Variants in ZNF268 observed in about 807,000 individuals in gnomAD.
ZNF268 encodes zinc finger protein 268.
In ZNF268, 20 loss-of-function variants were observed where a neutral mutation model predicts 29.3. The observed-to-expected ratio is 0.68, with a 90% CI of 0.48 to 0.99. ZNF268 has a LOEUF of 0.99. Ranked by LOEUF, ZNF268 falls within the 50% of genes least tolerant of loss-of-function variation. The pLI, the probability that ZNF268 is intolerant of heterozygous loss-of-function variation, is 0.00. For synonymous variants in ZNF268, 429 were observed against 376.9 expected, an observed-to-expected ratio of 1.14 and a Z score of -1.60; for missense variants, 1,240 against 1,121.6, an observed-to-expected ratio of 1.11 and a Z score of -1.51.
At chr12:133,187,115 C>T (rs1234399563) in intron 2 of ZNF268, among the ~76,000 whole-genome samples, 1 of 152,142 alleles carries the variant, frequency 6.6e-6, no homozygotes. Flanking sequence ...ATAAAAATGC[C>T]TTGGTGAACA....
chr12:133,209,936 G>A lies in ZNF268; in HGVS notation c.*5406G>A, dbSNP rs1022806722. Reference sequence around the variant, plus strand: ...TGGACTGTTGCAGTGTTTTGTCGCAGTGTTTCTCCCTTTTTTTGTACTGGG... The same window carrying A: ...TGGACTGTTGCAGTGTTTTGTCGCAATGTTTCTCCCTTTTTTTGTACTGGG... On this transcript the variant is annotated 3_prime_UTR_variant, in exon 6 of 6. Transcript: ENST00000536435. 1 of 152,250 alleles carries A rather than the reference G, an allele frequency of 6.6e-6. No individual in the cohort carries two copies. Among genetic ancestry groups the A allele is most frequent in the Non-Finnish European group, 1.5e-5 (1 of 68,058 alleles). The allele number at this position is 152,250 out of a possible 1,614,324, so 9.4% of individuals were successfully genotyped here.
intron 5 of ZNF268, among the ~76,000 whole-genome samples, chr12:133,199,730 T>C (rs1956704487): frequency 6.6e-6 from 1 of 152,232 alleles, no homozygotes; most frequent in South Asian, 2.1e-4. Context: ...TATTGGTCTA[T>C]TCAGAGAGTC....
At chr12:133,191,332 AG>A in intron 3 of ZNF268, 156 bp from the exon 4 acceptor site, 2 of 776,788 alleles carry the variant, frequency 2.6e-6, no homozygotes, top group Non-Finnish European at 2.0e-6. Context: ...AAAAAAAAAA[AG>A]AAAGAAAGAT....
chr12:133,202,227 T>C lies in ZNF268; in HGVS notation c.541T>C (p.Cys181Arg). 2 of 1,611,280 alleles carry C rather than the reference T, an allele frequency of 1.2e-6. No individual in the cohort carries two copies. Among genetic ancestry groups the C allele is most frequent in the Non-Finnish European group, 1.7e-6 (2 of 1,178,738 alleles). Residue 181 changes from cysteine (C) to arginine (R), a missense_variant, in exon 6 of 6, where the codon TGC becomes CGC. Transcript: ENST00000536435. The stretch of plus-strand genomic sequence containing the variant: ...GGGAAGTACGGCAAAAAGCTTTGAA[T>C]GCACTACATTTGGAAAACTATGTCT... ...KLGSTAKSFE[C>R]TTFGKLCLLS...
At chr12:133,198,041 A>C (rs1260381680) in intron 5 of ZNF268, among the ~76,000 whole-genome samples, 2 of 152,000 alleles carry the variant, frequency 1.3e-5, no homozygotes, top group African/African-American at 4.8e-5. Flanking sequence ...TAGTTTAATT[A>C]GATCCCATTT....
At chr12:133,193,512 C>CT (rs1956524207) in intron 5 of ZNF268, 2 of 696,118 alleles carry the variant, frequency 2.9e-6, no homozygotes, top group Non-Finnish European at 5.2e-6. Context: ...AAGATGACGC[C>CT]TTGTTGCTGC....
In ZNF268 at chr12:133,187,985, C is replaced by CA. The variant is rs768845418; in HGVS notation, c.148dup (p.Arg50LysfsTer66). The CA allele has an allele frequency of 3.8e-6, 6 of 1,597,686 alleles. No individual in the cohort carries two copies. The East Asian group carries it at 1.3e-4, about 36-fold the overall frequency. On this transcript the variant is annotated frameshift_variant, in exon 3 of 6. Coordinates refer to ENST00000536435, the MANE Select transcript of ZNF268 (RefSeq NM_003415.3). LOFTEE classifies it high-confidence loss of function. ...GTCTGCAACCTCTCCCTGGAACACC[C>CA]AGGCAGAAGCAGAAGAGTCGCAGAA...
At chr12:133,186,331 A>C (rs1489050332) in intron 2 of ZNF268, among the ~76,000 whole-genome samples, 2 of 151,866 alleles carry the variant, frequency 1.3e-5, no homozygotes, top group Non-Finnish European at 2.9e-5. Flanking sequence ...GACTGTGCCC[A>C]GTGTACACAG....
At chr12:133,191,705 G>A (rs749867621) in intron 4 of ZNF268, 90 bp downstream of exon 4, 17 of 1,565,782 alleles carry the variant, frequency 1.1e-5, no homozygotes, top group African/African-American at 1.4e-5. Flanking sequence ...GAAATACTTA[G>A]TGATTTTGGA....
rs559689566 is a variant in ZNF268, at chr12:133,210,200, T to G, written c.*5670T>G. 2.6e-5 allele frequency: 4 copies of G among 152,474 alleles called. No individual in the cohort carries two copies. The East Asian group carries it at 7.7e-4, about 29-fold the overall frequency. 9.4% of individuals were successfully genotyped at this position (152,474 alleles called of 1,614,324 possible). On this transcript the variant is annotated 3_prime_UTR_variant, in exon 6 of 6. Coordinates refer to ENST00000536435, the MANE Select transcript of ZNF268 (RefSeq NM_003415.3). ...AAGGTGAGATGACATCGCCCCAGAT[T>G]GGTCCGGAAAGTGCACTGGTCGTCA...
intron 2 of ZNF268, among the ~76,000 whole-genome samples, chr12:133,182,893 T>A (rs917598477): frequency 1.3e-5 from 2 of 152,144 alleles, no homozygotes; most frequent in Non-Finnish European, 2.9e-5. Context: ...TTGTATCACA[T>A]AGGGCAGGTG....
chr12:133,189,712 C>G (rs1470921891), intron 3 of ZNF268, among the ~76,000 whole-genome samples: 1 of 152,176 alleles, frequency 6.6e-6, no homozygotes, highest in African/African-American at 2.4e-5. Flanking sequence ...TTTCCTTACT[C>G]TCTCTGTAAA....
At chr12:133,200,638 T>C (rs972124679) in intron 5 of ZNF268, among the ~76,000 whole-genome samples, 3 of 152,110 alleles carry the variant, frequency 2.0e-5, no homozygotes, top group African/African-American at 7.2e-5. Context: ...AGATATTTCC[T>C]GTTGTGACAA....
In ZNF268 at chr12:133,208,790, C is replaced by A. The variant is rs1019569723; in HGVS notation, c.*4260C>A. ...AACTGCCATGAATTGGAGATGTGATCGTGTAATTAGGAAACCCAAAATAAA... is the reference window on the plus strand; with the variant it reads ...AACTGCCATGAATTGGAGATGTGATAGTGTAATTAGGAAACCCAAAATAAA... On this transcript the variant is annotated 3_prime_UTR_variant, in exon 6 of 6. Coordinates refer to ENST00000536435, the MANE Select transcript of ZNF268 (RefSeq NM_003415.3). 1 of 152,024 alleles carries A rather than the reference C, an allele frequency of 6.6e-6. No individual in the cohort carries two copies. Among genetic ancestry groups the A allele is most frequent in the Non-Finnish European group, 1.5e-5 (1 of 68,010 alleles). The allele number at this position is 152,024 out of a possible 1,614,324, so 9.4% of individuals were successfully genotyped here.
intron 5 of ZNF268, among the ~76,000 whole-genome samples, chr12:133,197,307 G>A (rs1427302132): frequency 2.0e-5 from 3 of 148,518 alleles, no homozygotes; most frequent in Non-Finnish European, 4.5e-5. Flanking sequence ...TTGTTCTTGC[G>A]ATAGTTTACT....
chr12:133,213,168 T>A lies in ZNF268; in HGVS notation c.*8638T>A, dbSNP rs1161472434. The A allele has an allele frequency of 6.6e-6, 1 of 152,186 alleles. No individual in the cohort carries two copies. Among genetic ancestry groups the A allele is most frequent in the Non-Finnish European group, 1.5e-5 (1 of 68,042 alleles). The allele number at this position is 152,186 out of a possible 1,614,324, so 9.4% of individuals were successfully genotyped here. A position where few individuals can be genotyped will look rare whatever the true frequency, so the allele number is the denominator to read the frequency against. ...CTGCACTTGGCCTCCATATTTTTTA[T>A]AATAGCCACTCTAACATGTATGAAA... On this transcript the variant is annotated 3_prime_UTR_variant, in exon 6 of 6. Transcript: ENST00000536435.
In ZNF268 at chr12:133,205,847, A is replaced by G; in HGVS notation, c.*1317A>G. Reference sequence around the variant, plus strand: ...CACCATTCAAGATGCCCTGCTCAGGACTTGGCATGAGCACTATGGTCAGCT... The same window carrying G: ...CACCATTCAAGATGCCCTGCTCAGGGCTTGGCATGAGCACTATGGTCAGCT... On this transcript the variant is annotated 3_prime_UTR_variant, in exon 6 of 6. Coordinates refer to ENST00000536435, the MANE Select transcript of ZNF268 (RefSeq NM_003415.3). 6.6e-6 allele frequency: 1 copy of G among 152,198 alleles called. No homozygotes were observed. The highest frequency in any genetic ancestry group is 1.9e-4 in the East Asian group (1 of 5,198). The allele number at this position is 152,198 out of a possible 1,614,324, so 9.4% of individuals were successfully genotyped here. A position where few individuals can be genotyped will look rare whatever the true frequency, so the allele number is the denominator to read the frequency against.
chr12:133,192,572 A>G (rs181554412), intron 5 of ZNF268, among the ~76,000 whole-genome samples: 264 of 152,058 alleles, frequency 1.7e-3, no homozygotes, highest in Non-Finnish European at 2.3e-3. Flanking sequence ...TGAAAATTAC[A>G]TTTAAATCCC....
rs1393288918 is a variant in ZNF268 at position 133,188,491 on chromosome 12, CTGGCCCA to C, written c.234+426_234+432del. Among the ~76,000 whole-genome samples, 4 of 152,306 alleles carry C rather than the reference CTGGCCCA, an allele frequency of 2.6e-5. No individual in the cohort carries two copies. The East Asian group carries it at 7.7e-4, about 29-fold the overall frequency. On this transcript the variant is annotated intron_variant, in intron 3 of 5. Transcript: ENST00000536435. ...GGATGACAGTCATGAGCCACTGTGC[CTGGCCCA>C]TGGCCCTTTTATCATCATTGGTTCA... is the stretch of plus-strand genomic sequence containing the variant.
Sources: allele counts gnomAD v4.1 joint callset (sites outside exome capture counted in the v4.1 genomes callset), GRCh38; gene constraint gnomAD v4.1.1; transcripts MANE v1.5; gene names NCBI Gene and HGNC (gene_info 2026-07-23, HGNC 2026-07-21).